Variants in RORA observed in about 807,000 individuals in gnomAD.
RORA encodes RAR related orphan receptor A, also known as nuclear receptor ROR-alpha.
A neutral mutation model predicts 69.5 loss-of-function variants in RORA; 7 were observed. The ratio of observed to expected loss-of-function variants is 0.10; its 90% CI spans 0.06 to 0.19. The LOEUF (loss-of-function observed/expected upper bound fraction) is 0.19, where lower values mean the gene tolerates loss of function less well. Ranked by LOEUF, RORA falls within the 10% of genes least tolerant of loss-of-function variation. The pLI is 1.00. For missense variants in RORA, 457 were observed against 663.0 expected (o/e 0.69, Z 3.41); for synonymous variants, 261 against 240.8 (o/e 1.08, Z -0.78).
intron 1 of RORA, among the ~76,000 whole-genome samples, chr15:61,000,726 A>G (rs1485257992): frequency 6.6e-6 from 1 of 152,252 alleles, no homozygotes; most frequent in Non-Finnish European, 1.5e-5. Flanking sequence ...ACTGACCCTT[A>G]TAAGAGGCTT....
chr15:61,139,532 GA>G (rs1274719212), intron 1 of RORA, among the ~76,000 whole-genome samples: 5 of 152,212 alleles, frequency 3.3e-5, no homozygotes, highest in Non-Finnish European at 7.3e-5. Flanking sequence ...TTGCAGGTGA[GA>G]AAATGTGACC....
At chr15:60,668,186 C>A (rs1050024477) in intron 2 of RORA, among the ~76,000 whole-genome samples, 1 of 152,150 alleles carries the variant, frequency 6.6e-6, no homozygotes, top group Non-Finnish European at 1.5e-5. Flanking sequence ...TAGATCAGTT[C>A]GATTCCTGAG....
intron 1 of RORA, among the ~76,000 whole-genome samples, chr15:61,038,558 C>T (rs1896580640): frequency 6.6e-6 from 1 of 152,174 alleles, no homozygotes; most frequent in Non-Finnish European, 1.5e-5. Flanking sequence ...TCTCAACAAA[C>T]TTCTTCTGTG....
At chr15:61,186,149 C>A (rs1172133067) in intron 1 of RORA, among the ~76,000 whole-genome samples, 2 of 152,246 alleles carry the variant, frequency 1.3e-5, no homozygotes, top group East Asian at 1.9e-4. Flanking sequence ...ATCATTTAAG[C>A]CTTCATATGC....
chr15:60,731,967 T>G lies in RORA; in HGVS notation c.167-53281A>C, dbSNP rs1248011555. ...TAGCTAATGAATTAGGATCCTGCCA[T>G]ACCAGGCTAGAAGTTCCGAATAGGC... On this transcript the variant is annotated intron_variant, in intron 1 of 10. Transcript: ENST00000335670. Among the ~76,000 whole-genome samples the G allele has an allele frequency of 2.0e-5, 3 of 152,172 alleles. No individual in the cohort carries two copies. In the East Asian group the frequency reaches 5.8e-4, roughly 29 times the overall value.
chr15:60,999,156 A>G (rs766650684), intron 1 of RORA, among the ~76,000 whole-genome samples: 3 of 152,234 alleles, frequency 2.0e-5, no homozygotes, highest in Non-Finnish European at 4.4e-5. Flanking sequence ...TTGAAATTAA[A>G]TCTTCTGTGG....
chr15:60,951,875 G>T (rs1893109822), intron 1 of RORA, among the ~76,000 whole-genome samples: 1 of 150,992 alleles, frequency 6.6e-6, no homozygotes, highest in Non-Finnish European at 1.5e-5. Context: ...GGAGGAACTG[G>T]TACCATTCCT....
chr15:60,557,200 A>AC (rs2067391676), intron 2 of RORA, among the ~76,000 whole-genome samples: 1 of 152,230 alleles, frequency 6.6e-6, no homozygotes, highest in African/African-American at 2.4e-5. Flanking sequence ...TGAAGGCTGA[A>AC]CTTCAAGTTG....
At position 61,229,189 on chromosome 15, in the gene RORA, G is replaced by C. The variant is rs755570150; in HGVS notation, c.30C>G (p.Pro10=). The stretch of plus-strand genomic sequence containing the variant: ...CGCTGCTGCCTGGCTCGCTGGCGGC[G>C]GGGTCGGGGGCTGCCGGAGCTGACT... MESAPAAPD[P]AASEPGSSGA... The change falls in exon 1 of 11, where the codon CCC becomes CCG. Residue 10 remains proline, a synonymous_variant. Transcript: ENST00000335670. 2 of 1,554,000 alleles carry C rather than the reference G, an allele frequency of 1.3e-6. No individual in the cohort carries two copies. Among genetic ancestry groups the C allele is most frequent in the African/African-American group, 1.4e-5 (1 of 72,230 alleles).
intron 1 of RORA, among the ~76,000 whole-genome samples, chr15:61,050,570 G>A (rs1897245495): frequency 6.6e-6 from 1 of 152,180 alleles, no homozygotes; most frequent in Non-Finnish European, 1.5e-5. Flanking sequence ...ACAAACAACT[G>A]GGGGGCAAGA....
At chr15:60,965,585 A>G (rs1237088023) in intron 1 of RORA, among the ~76,000 whole-genome samples, 1 of 152,208 alleles carries the variant, frequency 6.6e-6, no homozygotes, top group African/African-American at 2.4e-5. Flanking sequence ...GCCATTTTAC[A>G]TCTTTGTAAA....
intron 1 of RORA, among the ~76,000 whole-genome samples, chr15:60,908,374 A>C (rs1010345834): frequency 4.3e-4 from 65 of 152,214 alleles, no homozygotes; most frequent in African/African-American, 1.5e-3. Flanking sequence ...GCAAATATCC[A>C]AGGCTCCTTT....
At chr15:60,843,926 G>C (rs1400459280) in intron 1 of RORA, among the ~76,000 whole-genome samples, 1 of 152,142 alleles carries the variant, frequency 6.6e-6, no homozygotes, top group Non-Finnish European at 1.5e-5. Context: ...TCTTTCTACA[G>C]CCTCACCCTA....
intron 2 of RORA, among the ~76,000 whole-genome samples, chr15:60,660,087 G>GT (rs2070282556): frequency 6.6e-6 from 1 of 151,816 alleles, no homozygotes; most frequent in African/African-American, 2.4e-5. Flanking sequence ...TTTTCTTTCA[G>GT]TTTTTGGCTT....
chr15:60,787,123 G>A (rs1291185918), intron 1 of RORA, among the ~76,000 whole-genome samples: 3 of 152,220 alleles, frequency 2.0e-5, no homozygotes, highest in Non-Finnish European at 4.4e-5. Context: ...TGCTGCAAAG[G>A]TGTAGTCCAT....
intron 3 of RORA, among the ~76,000 whole-genome samples, chr15:60,527,326 G>T (rs2141425449): frequency 6.6e-6 from 1 of 152,338 alleles, no homozygotes; most frequent in Middle Eastern, 3.4e-3. Context: ...AGGAACAGAA[G>T]TTGAATGGCA....
intron 1 of RORA, among the ~76,000 whole-genome samples, chr15:60,935,396 C>T (rs1892491241): frequency 6.6e-6 from 1 of 152,198 alleles, no homozygotes; most frequent in Non-Finnish European, 1.5e-5. Flanking sequence ...GGAAAATGGA[C>T]TGTTCAAACC....
At chr15:60,841,741 G>A (rs543665644) in intron 1 of RORA, among the ~76,000 whole-genome samples, 15 of 152,138 alleles carry the variant, frequency 9.9e-5, no homozygotes, top group African/African-American at 3.1e-4. Flanking sequence ...TCTCCTCCCC[G>A]TCATGATGTT....
chr15:60,875,106 CTTACTGACCCCTAAGT>C (rs1216508895), intron 1 of RORA, among the ~76,000 whole-genome samples: 1 of 152,108 alleles, frequency 6.6e-6, no homozygotes, highest in Non-Finnish European at 1.5e-5. Flanking sequence ...AGACCCCTAG[CTTACTGACCCCTAAGT>C]TTACTGACCC....
Sources: gnomAD v4.1 joint callset for allele counts (sites outside exome capture counted in the v4.1 genomes callset) on GRCh38, gnomAD v4.1.1 for gene constraint, MANE v1.5 for transcripts, NCBI Gene and HGNC (gene_info 2026-07-23, HGNC 2026-07-21) for gene names.